SYNPR: variants seen among roughly 807,000 people sequenced by gnomAD.
SYNPR encodes synaptoporin.
Under a neutral mutation model 32.9 loss-of-function variants are expected in SYNPR, and 23 were observed. The observed-to-expected ratio is 0.70, with a 90% CI of 0.50 to 0.99. The LOEUF (loss-of-function observed/expected upper bound fraction) is 0.99, where lower values mean the gene tolerates loss of function less well. Among genes scored for constraint, SYNPR ranks in the 50% least tolerant of loss-of-function variants. SYNPR has a pLI of 0.00. For synonymous variants in SYNPR, 146 were observed against 135.9 expected (o/e 1.07, Z -0.52); for missense variants, 318 against 349.3 (o/e 0.91, Z 0.71).
chr3:63,309,020 G>A (rs556611956), intron 2 of SYNPR, among the ~76,000 whole-genome samples: 138 of 151,912 alleles, frequency 9.1e-4, no homozygotes, highest in Non-Finnish European at 1.6e-3. Context: ...TCACTGATGC[G>A]CTGTTCATTT....
At chr3:63,203,915 C>T in the SYNPR span, among the ~76,000 whole-genome samples, 1 of 152,132 alleles carries the variant, frequency 6.6e-6, no homozygotes, top group African/African-American at 2.4e-5. Flanking sequence ...AGGATAATTG[C>T]TTGAACCTGG....
At chr3:63,551,636 G>A (rs1043590339) in intron 3 of SYNPR, among the ~76,000 whole-genome samples, 1 of 152,158 alleles carries the variant, frequency 6.6e-6, no homozygotes, top group Non-Finnish European at 1.5e-5. Flanking sequence ...TGGATGTGAA[G>A]TAGTATCTCA....
chr3:63,298,489 A>T (rs549640740), intron 2 of SYNPR, among the ~76,000 whole-genome samples: 2 of 152,240 alleles, frequency 1.3e-5, no homozygotes, highest in African/African-American at 4.8e-5. Context: ...CAAAACCAAT[A>T]CAAGAGCCTA....
chr3:63,468,555 C>T (rs567844213), intron 2 of SYNPR, among the ~76,000 whole-genome samples: 52 of 151,982 alleles, frequency 3.4e-4, no homozygotes, highest in African/African-American at 1.2e-3. Flanking sequence ...CCTGTAATCT[C>T]AACACTATGG....
At chr3:63,480,803 C>T (rs768156103) in intron 2 of SYNPR, 29 bp from the exon 3 acceptor site, 7 of 1,609,898 alleles carry the variant, frequency 4.3e-6, no homozygotes, top group Middle Eastern at 1.6e-4. Context: ...CTAATAACTG[C>T]CTTCTATTTG....
intron 2 of SYNPR, among the ~76,000 whole-genome samples, chr3:63,468,993 T>C (rs1373558051): frequency 2.0e-5 from 3 of 151,834 alleles, no homozygotes; most frequent in Admixed American, 6.5e-5. Context: ...CAATTGATTA[T>C]AGATCAATTT....
At chr3:63,266,718 A>AAAAAAC (rs397787253) in intron 2 of SYNPR, among the ~76,000 whole-genome samples, 1 of 119,100 alleles carries the variant, frequency 8.4e-6, no homozygotes, top group Admixed American at 8.8e-5. Flanking sequence ...AAAAAAAAAA[A>AAAAAAC]CACAAAAAAC....
Position 63,468,379 on chromosome 3 carries a change from C to T in SYNPR, c.85-12453C>T, listed in dbSNP as rs186450994. ...AAAATTCTTCTGATAATAAATGGTC[C>T]TATGAATGATTCTGGGTTGCTACCT... is the stretch of plus-strand genomic sequence containing the variant. On this transcript the variant is annotated intron_variant, in intron 2 of 5. Transcript: ENST00000478300. Among the ~76,000 whole-genome samples, 10 of 152,006 alleles carry T rather than the reference C, an allele frequency of 6.6e-5. No individual in the cohort carries two copies. The East Asian group carries it at 1.7e-3, about 27-fold the overall frequency.
intron 2 of SYNPR, among the ~76,000 whole-genome samples, chr3:63,330,820 C>G (rs1441887041): frequency 1.3e-5 from 2 of 152,100 alleles, no homozygotes; most frequent in African/African-American, 2.4e-5. Flanking sequence ...AGTTGAAGAG[C>G]TAGCTATGGG....
chr3:63,278,496 A>G lies in SYNPR; in HGVS notation c.-38A>G. 7.1e-6 allele frequency: 11 copies of G among 1,538,464 alleles called. No homozygotes were observed. Among genetic ancestry groups the G allele is most frequent in the Non-Finnish European group, 9.6e-6 (11 of 1,140,244 alleles). On this transcript the variant is annotated 5_prime_UTR_variant, in exon 1 of 6. Coordinates refer to ENST00000478300, the MANE Select transcript of SYNPR (RefSeq NM_001130003.2). ...GTGCCAAGCGAACTTCATTTTTAAA[A>G]AGAACTGGTGGATGAGAAGAGCGAG... is the stretch of plus-strand genomic sequence containing the variant.
In SYNPR at chr3:63,371,394, G is replaced by A. The variant is rs558836583; in HGVS notation, c.84+92652G>A. Reference sequence around the variant, plus strand: ...TGGGGGAGGTCAGGCTCCCTTGCACGTCTCCGGGAAAGAGGCAAATTTCAT... The same window carrying A: ...TGGGGGAGGTCAGGCTCCCTTGCACATCTCCGGGAAAGAGGCAAATTTCAT... On this transcript the variant is annotated intron_variant, in intron 2 of 5. Coordinates refer to ENST00000478300, the MANE Select transcript of SYNPR (RefSeq NM_001130003.2). 1.1e-4 allele frequency among the ~76,000 whole-genome samples: 16 copies of A among 152,284 alleles called. No individual in the cohort carries two copies. The East Asian group carries it at 1.2e-3, about 11-fold the overall frequency.
At chr3:63,264,670 A>G (rs910592282) in intron 2 of SYNPR, among the ~76,000 whole-genome samples, 3 of 152,208 alleles carry the variant, frequency 2.0e-5, no homozygotes, top group Non-Finnish European at 4.4e-5. Context: ...TCACACTGCT[A>G]TGAGGAAATA....
chr3:63,297,052 A>C (rs1192644028), intron 2 of SYNPR, among the ~76,000 whole-genome samples: 4 of 152,216 alleles, frequency 2.6e-5, no homozygotes, highest in Admixed American at 2.0e-4. Context: ...TAGTGGTTAC[A>C]ATATTGGACA....
At chr3:63,502,377 G>A (rs1409324419) in intron 3 of SYNPR, among the ~76,000 whole-genome samples, 1 of 151,448 alleles carries the variant, frequency 6.6e-6, no homozygotes, top group Admixed American at 6.6e-5. Flanking sequence ...TAAAACTGAT[G>A]AACCTACACT....
At chr3:63,605,800 G>A (rs1180580167) in intron 4 of SYNPR, among the ~76,000 whole-genome samples, 1 of 152,210 alleles carries the variant, frequency 6.6e-6, no homozygotes, top group African/African-American at 2.4e-5. Flanking sequence ...AGATGGGAGT[G>A]CCCAGGTTAA....
rs111463225 is a variant in SYNPR, at chr3:63,255,674, C to T, written n.154+3088C>T. ...AGTCTACAGCTCCCAGTGTGAGCGACGCAGAAGATGGGTGATTTCTGCATT... is the reference window on the plus strand; with the variant it reads ...AGTCTACAGCTCCCAGTGTGAGCGATGCAGAAGATGGGTGATTTCTGCATT... On this transcript the variant is annotated intron_variant and non_coding_transcript_variant, in intron 2 of 4. Transcript: ENST00000478456. Among the ~76,000 whole-genome samples, 806 of 152,214 alleles carry T rather than the reference C, an allele frequency of 5.3e-3. 1 individual carries two copies. Among genetic ancestry groups the T allele is most frequent in the African/African-American group, 0.017 (691 of 41,534 alleles).
the SYNPR span, among the ~76,000 whole-genome samples, chr3:63,202,198 A>G: frequency 6.6e-6 from 1 of 152,170 alleles, no homozygotes; most frequent in Non-Finnish European, 1.5e-5. Context: ...CAAAATGAGC[A>G]TTTTAAACCA....
chr3:63,599,217 T>C (rs1220083811), intron 4 of SYNPR, among the ~76,000 whole-genome samples: 1 of 152,170 alleles, frequency 6.6e-6, no homozygotes, highest in Non-Finnish European at 1.5e-5. Flanking sequence ...AATGTTATGG[T>C]AGCATAATCA....
intron 2 of SYNPR, among the ~76,000 whole-genome samples, chr3:63,385,166 A>G (rs144627506): frequency 6.6e-6 from 1 of 152,176 alleles, no homozygotes; most frequent in Non-Finnish European, 1.5e-5. Flanking sequence ...CTTTAAGAAG[A>G]TGGCTCTGAA....
Sources: allele counts gnomAD v4.1 joint callset (sites outside exome capture counted in the v4.1 genomes callset), GRCh38; gene constraint gnomAD v4.1.1; transcripts MANE v1.5; gene names NCBI Gene and HGNC (gene_info 2026-07-23, HGNC 2026-07-21).